The following LIN52 variants were observed in gnomAD, a reference collection of about 807,000 sequenced individuals.
LIN52 encodes the protein protein lin-52 homolog.
A neutral mutation model predicts 18.5 loss-of-function variants in LIN52; 4 were observed. That is an observed-to-expected ratio of 0.22 (90% CI 0.11 to 0.49). LIN52 has a LOEUF of 0.49. Among genes scored for constraint, LIN52 ranks in the 20% least tolerant of loss-of-function variants. The pLI is 0.97. For synonymous variants in LIN52, 34 were observed against 45.5 expected (o/e 0.75, Z 1.02); for missense variants, 102 against 139.5 (o/e 0.73, Z 1.35).
chr14:74,102,633 GA>G (rs1200568230), intron 5 of LIN52, among the ~76,000 whole-genome samples: 6 of 152,114 alleles, frequency 3.9e-5, no homozygotes, highest in Admixed American at 1.3e-4. Flanking sequence ...TTTGTTCCTT[GA>G]TTTTGTTTCT....
intron 5 of LIN52, among the ~76,000 whole-genome samples, chr14:74,109,690 G>A (rs1359546811): frequency 6.6e-6 from 1 of 152,078 alleles, no homozygotes; most frequent in African/African-American, 2.4e-5. Context: ...TTTTTCCTAA[G>A]TACTTTATTC....
intron 5 of LIN52, among the ~76,000 whole-genome samples, chr14:74,176,487 A>G (rs1283240991): frequency 6.6e-6 from 1 of 152,292 alleles, no homozygotes; most frequent in East Asian, 1.9e-4. Flanking sequence ...TACATAAACC[A>G]GTAATATTGC....
At chr14:74,114,128 G>A in intron 5 of LIN52, 2 of 985,406 alleles carry the variant, frequency 2.0e-6, no homozygotes, top group Non-Finnish European at 2.4e-6. Context: ...CTACAGGTGT[G>A]AGCCACAGCG....
chr14:74,164,730 C>T (rs978872764), intron 5 of LIN52, among the ~76,000 whole-genome samples: 32 of 152,158 alleles, frequency 2.1e-4, no homozygotes, highest in Non-Finnish European at 8.8e-5. Context: ...AAGGCACTGA[C>T]ACTGGAAGTT....
In LIN52 at chr14:74,175,752, C is replaced by CACACACACACACACA. The variant is rs1566867516; in HGVS notation, c.284-23170_284-23169insACACACACACACACA. 1.1e-3 allele frequency among the ~76,000 whole-genome samples: 125 copies of CACACACACACACACA among 116,126 alleles called. 1 individual carries two copies. The highest frequency in any genetic ancestry group is 4.6e-3 in the African/African-American group (110 of 24,070). The allele number at this position is 116,126 out of a possible 152,430, so 76.2% of individuals were successfully genotyped here. On this transcript the variant is annotated intron_variant, in intron 5 of 5. Transcript: ENST00000555028. ...CACACACACACACACACACACACAC[C>CACACACACACACACA]CCCATTATACAGCTATACCAAAATC... is the stretch of plus-strand genomic sequence containing the variant.
At chr14:74,143,822 ATG>A (rs1363539665) in intron 5 of LIN52, among the ~76,000 whole-genome samples, 1 of 152,134 alleles carries the variant, frequency 6.6e-6, no homozygotes, top group Non-Finnish European at 1.5e-5. Context: ...ATTTCATAAT[ATG>A]TGATACCTTA....
chr14:74,105,196 C>T (rs2060889265), intron 5 of LIN52, among the ~76,000 whole-genome samples: 1 of 152,028 alleles, frequency 6.6e-6, no homozygotes. Context: ...TTTAAATCCA[C>T]ACAATTAAAG....
At chr14:74,138,278 G>A (rs1471818539) in intron 5 of LIN52, among the ~76,000 whole-genome samples, 1 of 152,158 alleles carries the variant, frequency 6.6e-6, no homozygotes, top group Non-Finnish European at 1.5e-5. Context: ...AGAATTTGAT[G>A]TCTAATATTT....
intron 5 of LIN52, among the ~76,000 whole-genome samples, chr14:74,191,411 C>T (rs2078875820): frequency 6.6e-6 from 1 of 152,182 alleles, no homozygotes; most frequent in South Asian, 2.1e-4. Context: ...GCACAGCACA[C>T]ACTGATAACT....
chr14:74,089,153 C>G (rs1450635488), intron 1 of LIN52, among the ~76,000 whole-genome samples: 2 of 151,900 alleles, frequency 1.3e-5, no homozygotes, highest in African/African-American at 2.4e-5. Flanking sequence ...AGTGATGGTT[C>G]CTTGGGTTAT....
At chr14:74,099,117 ATTTTATCATCCTTCTG>A (rs2139871123) in intron 4 of LIN52, among the ~76,000 whole-genome samples, 1 of 152,268 alleles carries the variant, frequency 6.6e-6, no homozygotes, top group East Asian at 1.9e-4. Context: ...TACTTTATTT[ATTTTATCATCCTTCTG>A]GTGATAAGAT....
At chr14:74,094,254 T>C (rs2060792844) in intron 2 of LIN52, among the ~76,000 whole-genome samples, 1 of 148,174 alleles carries the variant, frequency 6.7e-6, no homozygotes, top group Non-Finnish European at 1.5e-5. Flanking sequence ...ATATCTACTT[T>C]GTAGTTTTTT....
chr14:74,134,667 AG>A (rs2061087708), intron 5 of LIN52, among the ~76,000 whole-genome samples: 1 of 152,132 alleles, frequency 6.6e-6, no homozygotes, highest in Non-Finnish European at 1.5e-5. Flanking sequence ...ATTAAAACAC[AG>A]GGTTTCACTT....
chr14:74,185,755 A>C (rs1169888414), intron 5 of LIN52, among the ~76,000 whole-genome samples: 1 of 151,654 alleles, frequency 6.6e-6, no homozygotes, highest in East Asian at 1.9e-4. Context: ...GTTTCTTTCT[A>C]TTTCATTTAT....
At chr14:74,174,359 C>A (rs2061283305) in intron 5 of LIN52, 1 of 152,098 alleles carries the variant, frequency 6.6e-6, no homozygotes, top group South Asian at 2.1e-4. Context: ...CAAACCTGTA[C>A]AGTATGTTAC....
intron 5 of LIN52, among the ~76,000 whole-genome samples, chr14:74,162,107 G>A (rs1032687759): frequency 3.4e-4 from 52 of 152,098 alleles, no homozygotes; most frequent in Non-Finnish European, 6.2e-4. Flanking sequence ...TGCATCATGG[G>A]GTTGATAACT....
chr14:74,175,711 T>TATAC (rs1453723222), intron 5 of LIN52, among the ~76,000 whole-genome samples: 4 of 86,392 alleles, frequency 4.6e-5, no homozygotes, highest in South Asian at 4.5e-4. Context: ...CACAGACACA[T>TATAC]ACACACACAC....
chr14:74,089,370 ATTT>A (rs71460953), intron 1 of LIN52, among the ~76,000 whole-genome samples: 2 of 142,318 alleles, frequency 1.4e-5, no homozygotes. Flanking sequence ...TTAAGTGGGG[ATTT>A]TTTTTTTTTT....
intron 5 of LIN52, among the ~76,000 whole-genome samples, chr14:74,102,290 G>A (rs905333869): frequency 2.6e-5 from 4 of 152,080 alleles, no homozygotes; most frequent in African/African-American, 9.7e-5. Context: ...ACTGATAGTC[G>A]TCACTTCCTC....
Sources: allele counts gnomAD v4.1 joint callset (sites outside exome capture counted in the v4.1 genomes callset), GRCh38; gene constraint gnomAD v4.1.1; transcripts MANE v1.5; gene names NCBI Gene and HGNC (gene_info 2026-07-23, HGNC 2026-07-21).